FGFR1: variants seen among roughly 807,000 people sequenced by gnomAD.
FGFR1 encodes the protein FGFR1/PLAG1 fusion.
FGFR1 carries 18 observed loss-of-function variants against 93.7 expected under a neutral mutation model. That is an observed-to-expected ratio of 0.19 (90% CI 0.13 to 0.28). The LOEUF is 0.28. Among genes scored for constraint, FGFR1 ranks in the 10% least tolerant of loss-of-function variants. FGFR1 has a pLI of 1.00. For synonymous variants in FGFR1, 448 were observed against 429.3 expected, an observed-to-expected ratio of 1.04 and a Z score of -0.54; for missense variants, 731 against 1,080.4, an observed-to-expected ratio of 0.68 and a Z score of 4.53.
intron 7 of FGFR1, chr8:38,422,748 A>G (rs1819277642): frequency 2.4e-6 from 1 of 412,990 alleles, no homozygotes; most frequent in African/African-American, 2.0e-5. Flanking sequence ...TTCAGTCTGA[A>G]GTACCATTTG....
chr8:38,421,145 G>A (rs1244514173), intron 8 of FGFR1, among the ~76,000 whole-genome samples: 10 of 152,140 alleles, frequency 6.6e-5, no homozygotes, highest in Admixed American at 1.3e-4. Flanking sequence ...CCACCACCCT[G>A]AGCAGGCTGC....
At chr8:38,450,747 C>A (rs1830797577) in intron 2 of FGFR1, among the ~76,000 whole-genome samples, 1 of 152,220 alleles carries the variant, frequency 6.6e-6, no homozygotes, top group Admixed American at 6.5e-5. Flanking sequence ...GCCATTTGTT[C>A]TTCCCTGAGA....
At chr8:38,416,960 A>C (rs1420466313) in intron 12 of FGFR1, among the ~76,000 whole-genome samples, 1 of 151,254 alleles carries the variant, frequency 6.6e-6, no homozygotes, top group African/African-American at 2.4e-5. Context: ...CACCATTTTG[A>C]CCAGACTGGT....
chr8:38,439,394 G>C (rs914196956), intron 2 of FGFR1, among the ~76,000 whole-genome samples: 1 of 152,050 alleles, frequency 6.6e-6, no homozygotes, highest in Non-Finnish European at 1.5e-5. Flanking sequence ...TTCTCTTCTC[G>C]AGCCCCTCAC....
intron 2 of FGFR1, among the ~76,000 whole-genome samples, chr8:38,441,163 T>A (rs187995873): frequency 6.7e-4 from 101 of 151,382 alleles, no homozygotes; most frequent in African/African-American, 2.4e-3. Flanking sequence ...TGGAGAGTTG[T>A]GTGTGGATCT....
intron 2 of FGFR1, among the ~76,000 whole-genome samples, chr8:38,456,484 T>C (rs1832880433): frequency 6.6e-6 from 1 of 152,146 alleles, no homozygotes; most frequent in African/African-American, 2.4e-5. Context: ...AAACAGTACC[T>C]ATCCAAAGCA....
At chr8:38,417,749 C>A (rs987407748) in intron 11 of FGFR1, 121 bp downstream of exon 11, 1 of 1,411,970 alleles carries the variant, frequency 7.1e-7, no homozygotes. Flanking sequence ...TAACCCCAAG[C>A]AGGCAGCGGA....
At position 38,429,490 on chromosome 8, in the gene FGFR1, C is replaced by G. The variant is rs1004869905; in HGVS notation, c.358+192G>C. 8.2e-6 allele frequency: 6 copies of G among 732,910 alleles called. No individual in the cohort carries two copies. In the African/African-American group the frequency reaches 8.7e-5, roughly 11 times the overall value. The allele number at this position is 732,910 out of a possible 1,614,324, so 45.4% of individuals were successfully genotyped here. A position where few individuals can be genotyped will look rare whatever the true frequency, so the allele number is the denominator to read the frequency against. ...GCCCCAGATCTCCGGCCCTGGGGCCCACCCCACCTAGTCACCTCTCTGAGA... is the reference window on the plus strand; with the variant it reads ...GCCCCAGATCTCCGGCCCTGGGGCCGACCCCACCTAGTCACCTCTCTGAGA... On this transcript the variant is annotated intron_variant, in intron 3 of 17. Coordinates refer to ENST00000447712, the MANE Select transcript of FGFR1 (RefSeq NM_023110.3). The surrounding 1 kb of genome is among the most constrained non-coding windows in gnomAD (Gnocchi z 4.4).
At position 38,415,742 on chromosome 8, in the gene FGFR1, C is replaced by A. The variant is rs1244096090; in HGVS notation, c.1854+128G>T. 7.5e-6 allele frequency: 7 copies of A among 930,220 alleles called. No homozygotes were observed. In the Admixed American group the frequency reaches 1.4e-4, roughly 18 times the overall value. 57.6% of individuals were successfully genotyped at this position (930,220 alleles called of 1,614,324 possible). A position where few individuals can be genotyped will look rare whatever the true frequency, so the allele number is the denominator to read the frequency against. ...TTCCCAGAGAGCCTAAGACAACACA[C>A]AGGGCACACAGGGCCAGTGCTCAGT... On this transcript the variant is annotated intron_variant, in intron 13 of 17. Coordinates refer to ENST00000447712, the MANE Select transcript of FGFR1 (RefSeq NM_023110.3).
At position 38,416,001 on chromosome 8, in the gene FGFR1, C is replaced by A. The variant is rs1563442835; in HGVS notation, c.1723G>T (p.Ala575Ser). Residue 575 changes from alanine to serine, a missense_variant, in exon 13 of 18, where the codon GCC (alanine) becomes TCC (serine). Ala to Ser is a moderately conservative substitution (Grantham distance 99). Transcript: ENST00000447712. The part of the protein sequence containing the change: ...SKGNLREYLQ[A>S]RRPPGLEYCY... Reference sequence around the variant, plus strand: ...TATTCCAGCCCTGGGGGCCTCCGGGCCTGCAGGTACTCCCGCAGGTTGCCC... The same window carrying A: ...TATTCCAGCCCTGGGGGCCTCCGGGACTGCAGGTACTCCCGCAGGTTGCCC... 3 of 1,613,952 alleles carry A rather than the reference C, an allele frequency of 1.9e-6. No individual in the cohort carries two copies. The highest frequency in any genetic ancestry group is 2.5e-6 in the Non-Finnish European group (3 of 1,180,020).
intron 4 of FGFR1, 49 bp downstream of exon 4, chr8:38,428,297 A>G: frequency 6.3e-7 from 1 of 1,588,678 alleles, no homozygotes; most frequent in Admixed American, 1.7e-5. Flanking sequence ...CCCCTCTTAA[A>G]CCCAATGCCC....
intron 2 of FGFR1, among the ~76,000 whole-genome samples, chr8:38,437,343 A>G (rs1422333714): frequency 6.6e-6 from 1 of 152,186 alleles, no homozygotes; most frequent in African/African-American, 2.4e-5. Context: ...TGGGTGAAAC[A>G]AAGGCCCAGA....
chr8:38,435,746 TC>T (rs1433171759), intron 2 of FGFR1: 1 of 152,292 alleles, frequency 6.6e-6, no homozygotes, highest in East Asian at 1.9e-4. Context: ...TCGTTAGGTG[TC>T]CATTAGCAAG....
chr8:38,451,846 C>T (rs1439731328), intron 2 of FGFR1, among the ~76,000 whole-genome samples: 2 of 152,134 alleles, frequency 1.3e-5, no homozygotes, highest in Non-Finnish European at 2.9e-5. Context: ...CACTCACTGG[C>T]TTTGCCCACC....
In FGFR1 at chr8:38,463,558, T is replaced by G. The variant is rs73674172; in HGVS notation, c.-89+4423A>C. Among the ~76,000 whole-genome samples, 1,103 of 152,104 alleles carry G rather than the reference T, an allele frequency of 7.3e-3. 15 individuals carry two copies. Among genetic ancestry groups the G allele is most frequent in the African/African-American group, 0.024 (1,009 of 41,458 alleles). On this transcript the variant is annotated intron_variant, in intron 1 of 17. Coordinates refer to ENST00000447712, the MANE Select transcript of FGFR1 (RefSeq NM_023110.3). ...TTGCTAACACCCTCGGCACCTAGCATGTACACAGGAGATGCCAACATGTTT... is the reference window on the plus strand; with the variant it reads ...TTGCTAACACCCTCGGCACCTAGCAGGTACACAGGAGATGCCAACATGTTT...
chr8:38,422,313 G>A, intron 7 of FGFR1: 4 of 449,526 alleles, frequency 8.9e-6, no homozygotes, highest in South Asian at 8.6e-5. Context: ...GAGGGATGGC[G>A]GGGGCTGCAG....
chr8:38,466,307 C>T (rs2151485245), intron 1 of FGFR1: 1 of 232,250 alleles, frequency 4.3e-6, no homozygotes, highest in Non-Finnish European at 8.5e-6. Flanking sequence ...CCGCGGGCTC[C>T]GGGCAGGGCA....
At chr8:38,418,091 G>A (rs1817366903) in intron 10 of FGFR1, 100 bp from the exon 11 acceptor site, 2 of 1,608,050 alleles carry the variant, frequency 1.2e-6, no homozygotes, top group Non-Finnish European at 1.7e-6. Flanking sequence ...CCAACTGCGA[G>A]CAGAAAGTGG....
intron 2 of FGFR1, among the ~76,000 whole-genome samples, chr8:38,456,085 G>C (rs1231246582): frequency 6.6e-6 from 1 of 152,116 alleles, no homozygotes; most frequent in Non-Finnish European, 1.5e-5. Context: ...ACTCCATCCA[G>C]AGGACACATA....
Sources: allele counts gnomAD v4.1 joint callset (sites outside exome capture counted in the v4.1 genomes callset), GRCh38; gene constraint gnomAD v4.1.1; non-coding constraint Gnocchi (gnomAD v3.1); transcripts MANE v1.5; gene names NCBI Gene and HGNC (gene_info 2026-07-23, HGNC 2026-07-21).